LRRC9: variants seen among roughly 807,000 people sequenced by gnomAD.
The protein encoded by LRRC9 is leucine-rich repeat-containing protein 9.
A neutral mutation model predicts 63.2 loss-of-function variants in LRRC9; 122 were observed. That is an observed-to-expected ratio of 1.93 (90% confidence interval 1.67 to 2.24). The LOEUF (loss-of-function observed/expected upper bound fraction) is 2.24. Among genes scored for constraint, LRRC9 ranks in the 30% most tolerant of loss-of-function variants. The probability of loss-of-function intolerance (pLI) is 0.00; values close to 1 mark genes in which losing one functional copy is unlikely to be tolerated. For missense variants in LRRC9, 1,071 were observed against 627.7 expected (o/e 1.71, Z -7.55); for synonymous variants, 366 against 213.1 (o/e 1.72, Z -6.25).
At position 60,051,569 on chromosome 14, in the gene LRRC9, C is replaced by T. The variant is rs961700531; in HGVS notation, c.3991-1496C>T. 6.6e-6 allele frequency among the ~76,000 whole-genome samples: 1 copy of T among 152,168 alleles called. No individual in the cohort carries two copies. The highest frequency in any genetic ancestry group is 1.5e-5 in the Non-Finnish European group (1 of 68,032). ...GTTTCAGGCAGACTCAGCCTATTGCCCTTGGCTGGCTGGAATTCTAAGCCA... is the reference window on the plus strand; with the variant it reads ...GTTTCAGGCAGACTCAGCCTATTGCTCTTGGCTGGCTGGAATTCTAAGCCA... On this transcript the variant is annotated intron_variant, in intron 29 of 31. Transcript: ENST00000445360. This position sits in a 1 kb window ranked among gnomAD's most constrained non-coding sequence, Gnocchi z 4.7.
intron 28 of LRRC9, among the ~76,000 whole-genome samples, chr14:60,030,088 T>C (rs540298469): frequency 6.6e-6 from 1 of 152,102 alleles, no homozygotes; most frequent in Admixed American, 6.6e-5. Context: ...TGTAGATTCA[T>C]ACCAACATGG....
In LRRC9 at chr14:59,994,210, A is replaced by G. The variant is rs570216924; in HGVS notation, c.2212-3446A>G. 2.4e-3 allele frequency among the ~76,000 whole-genome samples: 362 copies of G among 152,360 alleles called. 1 individual carries two copies. The highest frequency in any genetic ancestry group is 8.0e-3 in the African/African-American group (332 of 41,578). Reference sequence around the variant, plus strand: ...CAAAAAGCGGGCAAAGGATATGAACAGACACTTCTCAAAAGAAGACATTTA... The same window carrying G: ...CAAAAAGCGGGCAAAGGATATGAACGGACACTTCTCAAAAGAAGACATTTA... On this transcript the variant is annotated intron_variant, in intron 17 of 31. Coordinates refer to ENST00000445360, the Ensembl canonical transcript of LRRC9.
rs1888934409 is a variant in LRRC9 at position 59,923,265 on chromosome 14, T to C, written c.-34+3382T>C. On this transcript the variant is annotated intron_variant, in intron 1 of 31. Coordinates refer to ENST00000445360, the Ensembl canonical transcript of LRRC9. The surrounding 1 kb of genome is among the most constrained non-coding windows in gnomAD (Gnocchi z 4.2). ...TAGAATTTGGGGTTTTTAAATTAAA[T>C]TGTATTTTTCTAATTAGCTGTTGAA... Among the ~76,000 whole-genome samples, 1 of 152,244 alleles carries C rather than the reference T, an allele frequency of 6.6e-6. No individual in the cohort carries two copies. Among genetic ancestry groups the C allele is most frequent in the African/African-American group, 2.4e-5 (1 of 41,476 alleles).
At chr14:59,934,150 A>AAAAGAAAT (rs1340807635) in intron 6 of LRRC9, among the ~76,000 whole-genome samples, 5 of 152,112 alleles carry the variant, frequency 3.3e-5, no homozygotes, top group Non-Finnish European at 7.4e-5. Context: ...AAAAAAGAAA[A>AAAAGAAAT]AAAGAAGAGG....
chr14:60,001,943 C>T (rs219369), intron 19 of LRRC9, 23 bp from the exon 20 acceptor site: 498,339 of 626,586 alleles, frequency 0.8, 203,344 homozygotes, highest in Non-Finnish European at 0.86. Context: ...CCTTTTTTCA[C>T]TGTATTTTTT....
At position 60,060,006 on chromosome 14, in the gene LRRC9, T is replaced by G. The variant is rs1157329037; in HGVS notation, c.4276+1984T>G. Among the ~76,000 whole-genome samples, 2 of 152,182 alleles carry G rather than the reference T, an allele frequency of 1.3e-5. No homozygotes were observed. Among genetic ancestry groups the G allele is most frequent in the African/African-American group, 4.8e-5 (2 of 41,446 alleles). On this transcript the variant is annotated intron_variant, in intron 31 of 31. Coordinates refer to ENST00000445360, the Ensembl canonical transcript of LRRC9. The surrounding 1 kb of genome is among the most constrained non-coding windows in gnomAD (Gnocchi z 4.0). ...CTGGCTTCAAAGCTTCAAAGGACAG[T>G]CTGACTCTCTTGTTAGGGGCTAGTG...
In LRRC9 at chr14:59,993,195, C is replaced by A. The variant is rs549976769; in HGVS notation, c.2212-4461C>A. On this transcript the variant is annotated intron_variant, in intron 17 of 31. Coordinates refer to ENST00000445360, the Ensembl canonical transcript of LRRC9. ...GAAAAGAATTTTCAACCCAGAATTT[C>A]ATATCCAGCCAAACTAAGCTTCATA... Among the ~76,000 whole-genome samples, 3 of 152,264 alleles carry A rather than the reference C, an allele frequency of 2.0e-5. No individual in the cohort carries two copies. In the East Asian group the frequency reaches 5.8e-4, roughly 29 times the overall value.
At chr14:59,952,103 C>T (rs370689152) in intron 8 of LRRC9, among the ~76,000 whole-genome samples, 13 of 151,946 alleles carry the variant, frequency 8.6e-5, no homozygotes, top group Non-Finnish European at 1.5e-4. Context: ...CCCAGCCTCG[C>T]TGCCGCCTTG....
chr14:59,927,811 C>G lies in LRRC9; in HGVS notation c.-33-100C>G. 1 of 496,350 alleles carries G rather than the reference C, an allele frequency of 2.0e-6. No individual in the cohort carries two copies. Among genetic ancestry groups the G allele is most frequent in the Non-Finnish European group, 3.5e-6 (1 of 282,526 alleles). 30.7% of individuals were successfully genotyped at this position (496,350 alleles called of 1,614,324 possible). ...TAATATACTATGTGAAGATTTCAAACTACAGTTGGGTGGTTCAACCTCAGT... is the reference window on the plus strand; with the variant it reads ...TAATATACTATGTGAAGATTTCAAAGTACAGTTGGGTGGTTCAACCTCAGT... On this transcript the variant is annotated intron_variant, in intron 1 of 31. Coordinates refer to ENST00000445360, the Ensembl canonical transcript of LRRC9. This position sits in a 1 kb window ranked among gnomAD's most constrained non-coding sequence, Gnocchi z 4.4.
chr14:60,046,964 G>C (rs1202334417), intron 29 of LRRC9, among the ~76,000 whole-genome samples: 1 of 152,064 alleles, frequency 6.6e-6, no homozygotes. Flanking sequence ...TCCTTGAAGA[G>C]GTCCTTCATA....
rs1409316790 is a variant in LRRC9, at chr14:59,960,137, CA to C, written c.1079+124del. On this transcript the variant is annotated intron_variant, in intron 9 of 31. Transcript: ENST00000445360. ...TGAACAATTACAGTATGAAGTAAAGCATGAAATATATTCTTAGTACTAGTTC... is the reference window on the plus strand; with the variant it reads ...TGAACAATTACAGTATGAAGTAAAGCTGAAATATATTCTTAGTACTAGTTC... 3 of 519,222 alleles carry C rather than the reference CA, an allele frequency of 5.8e-6. No homozygotes were observed. In the East Asian group the frequency reaches 9.1e-5, roughly 16 times the overall value. 32.2% of individuals were successfully genotyped at this position (519,222 alleles called of 1,614,324 possible). A position where few individuals can be genotyped will look rare whatever the true frequency, so the allele number is the denominator to read the frequency against.
rs1268660168 is a variant in LRRC9, at chr14:60,019,118, T to C, written c.3427-3T>C. 3 of 666,350 alleles carry C rather than the reference T, an allele frequency of 4.5e-6. No individual in the cohort carries two copies. Among genetic ancestry groups the C allele is most frequent in the Admixed American group, 2.4e-5 (1 of 42,394 alleles). 41.3% of individuals were successfully genotyped at this position (666,350 alleles called of 1,614,324 possible). On this transcript the variant is annotated splice_polypyrimidine_tract_variant and splice_region_variant and intron_variant, in intron 25 of 31. Coordinates refer to ENST00000445360, the Ensembl canonical transcript of LRRC9. ...TCTGATTAATAAGATATTCTTTCTG[T>C]AGGTCTTATGCCTTAACTATAATCA...
In LRRC9 at chr14:60,002,088, C is replaced by T. The variant is rs756952379; in HGVS notation, c.2652C>T (p.Asn884=). Reference sequence around the variant, plus strand: ...GACCTCATTTACATCTGAGTGGAAACTGCTACTTGAAGGTAAAGGCTAATT... The same window carrying T: ...GACCTCATTTACATCTGAGTGGAAATTGCTACTTGAAGGTAAAGGCTAATT... Residue 884 remains asparagine (N), a synonymous_variant, in exon 20 of 32, where the codon AAC becomes AAT. Transcript: ENST00000445360. 4.3e-6 allele frequency: 3 copies of T among 696,336 alleles called. No homozygotes were observed. In the East Asian group the frequency reaches 8.1e-5, roughly 19 times the overall value. The allele number at this position is 696,336 out of a possible 1,614,324, so 43.1% of individuals were successfully genotyped here.
rs1472560986 is a variant in LRRC9, at chr14:60,053,085, T to C, written c.4011T>C (p.His1337=). The change falls in exon 30 of 32, where the codon CAT becomes CAC. Residue 1337 remains histidine, a synonymous_variant. Transcript: ENST00000445360. The surrounding 1 kb of genome is among the most constrained non-coding windows in gnomAD (Gnocchi z 4.8). Reference sequence around the variant, plus strand: ...TTCAGATTTGTAGAAAAATGCTACATCGCCACATGCTTATATTTCGACTGC... The same window carrying C: ...TTCAGATTTGTAGAAAAATGCTACACCGCCACATGCTTATATTTCGACTGC... 2.9e-6 allele frequency: 2 copies of C among 698,598 alleles called. No homozygotes were observed. Among genetic ancestry groups the C allele is most frequent in the African/African-American group, 1.8e-5 (1 of 57,088 alleles). 43.3% of individuals were successfully genotyped at this position (698,598 alleles called of 1,614,324 possible).
At chr14:59,928,667 T>A (rs1889419370) in intron 3 of LRRC9, among the ~76,000 whole-genome samples, 181 bp downstream of exon 3, 1 of 152,092 alleles carries the variant, frequency 6.6e-6, no homozygotes, top group Admixed American at 6.6e-5. Flanking sequence ...AAACATATTC[T>A]ACTTTTTAGT....
intron 8 of LRRC9, among the ~76,000 whole-genome samples, chr14:59,955,229 T>C (rs965067568): frequency 3.3e-5 from 5 of 152,220 alleles, no homozygotes; most frequent in Non-Finnish European, 7.3e-5. Flanking sequence ...TACCAGTTCC[T>C]CTTTGTACCT....
At chr14:59,985,795 C>G (rs940230288) in intron 17 of LRRC9, among the ~76,000 whole-genome samples, 1 of 152,136 alleles carries the variant, frequency 6.6e-6, no homozygotes, top group Non-Finnish European at 1.5e-5. Context: ...GTTACTTTCT[C>G]TAAAACAGGT....
At chr14:59,973,675 G>C (rs2140045050) in intron 12 of LRRC9, among the ~76,000 whole-genome samples, 1 of 151,976 alleles carries the variant, frequency 6.6e-6, no homozygotes, top group South Asian at 2.1e-4. Context: ...GTATTATTTT[G>C]TATTGCATTT....
chr14:60,020,924 G>T (rs1415149570), intron 26 of LRRC9, among the ~76,000 whole-genome samples: 3 of 151,814 alleles, frequency 2.0e-5, no homozygotes, highest in Non-Finnish European at 2.9e-5. Context: ...TTTTTGGCTG[G>T]TTTGACTAAC....
Sources: allele counts gnomAD v4.1 joint callset (sites outside exome capture counted in the v4.1 genomes callset), GRCh38; gene constraint gnomAD v4.1.1; non-coding constraint Gnocchi (gnomAD v3.1); transcripts MANE v1.5; gene names NCBI Gene and HGNC (gene_info 2026-07-23, HGNC 2026-07-21).